TENM3: variants seen among roughly 807,000 people sequenced by gnomAD.
TENM3 encodes the protein teneurin-3.
In TENM3, 63 loss-of-function variants were observed where a neutral mutation model predicts 255.1. The ratio of observed to expected loss-of-function variants is 0.25; its 90% confidence interval spans 0.20 to 0.30. The LOEUF is 0.30. Ranked by LOEUF, TENM3 falls within the 10% of genes least tolerant of loss-of-function variation. The pLI is 1.00. For synonymous variants in TENM3, 1,306 were observed against 1,322.3 expected, an observed-to-expected ratio of 0.99 and a Z score of 0.27; for missense variants, 2,929 against 3,461.1, an observed-to-expected ratio of 0.85 and a Z score of 3.86.
chr4:181,998,220 T>A, the TENM3 span, among the ~76,000 whole-genome samples: 4 of 152,242 alleles, frequency 2.6e-5, no homozygotes, highest in African/African-American at 9.6e-5. Context: ...AGCTGATGAC[T>A]GCCTACTGAT....
At chr4:181,686,518 A>G in the TENM3 span, among the ~76,000 whole-genome samples, 1 of 152,108 alleles carries the variant, frequency 6.6e-6, no homozygotes, top group Non-Finnish European at 1.5e-5. Flanking sequence ...TTCAATAAAC[A>G]TTTATTGCGC....
At chr4:182,205,266 C>T (rs992896747) in intron 1 of TENM3, among the ~76,000 whole-genome samples, 1 of 152,222 alleles carries the variant, frequency 6.6e-6, no homozygotes, top group Non-Finnish European at 1.5e-5. Context: ...CTATTGCTCT[C>T]CTAACTAAAA....
At chr4:182,611,683 A>T (rs1459673034) in intron 4 of TENM3, among the ~76,000 whole-genome samples, 10 of 152,212 alleles carry the variant, frequency 6.6e-5, no homozygotes. Context: ...TCATATATTG[A>T]TGGGACTATT....
chr4:182,622,315 C>T (rs1203320339), intron 4 of TENM3, among the ~76,000 whole-genome samples: 1 of 152,132 alleles, frequency 6.6e-6, no homozygotes, highest in African/African-American at 2.4e-5. Context: ...CCACTTCACT[C>T]CAGCCTAGAT....
At chr4:181,818,039 C>A in the TENM3 span, among the ~76,000 whole-genome samples, 2 of 152,108 alleles carry the variant, frequency 1.3e-5, no homozygotes, top group African/African-American at 4.8e-5. Flanking sequence ...TAGTTCAAAT[C>A]ATTTTGTCCT....
chr4:182,311,915 C>G (rs2150421126), intron 1 of TENM3, among the ~76,000 whole-genome samples: 1 of 152,272 alleles, frequency 6.6e-6, no homozygotes, highest in Admixed American at 6.5e-5. Flanking sequence ...TTGAAGTCAT[C>G]TAGAAAACTT....
chr4:182,577,118 A>G (rs1745004808), intron 3 of TENM3, among the ~76,000 whole-genome samples: 4 of 152,176 alleles, frequency 2.6e-5, no homozygotes, highest in Admixed American at 6.5e-5. Context: ...TGGAATATGC[A>G]TTCTTCACAG....
At chr4:182,210,669 A>G (rs1445631937) in intron 1 of TENM3, among the ~76,000 whole-genome samples, 1 of 142,430 alleles carries the variant, frequency 7.0e-6, no homozygotes, top group African/African-American at 2.6e-5. Flanking sequence ...TCAAAACTCC[A>G]TGTTCATCAA....
chr4:181,984,759 T>C, the TENM3 span, among the ~76,000 whole-genome samples: 2 of 151,172 alleles, frequency 1.3e-5, no homozygotes, highest in Non-Finnish European at 2.9e-5. Flanking sequence ...CTCATCGGCT[T>C]TTTATGGCTT....
chr4:181,806,758 G>A, the TENM3 span, among the ~76,000 whole-genome samples: 166 of 152,312 alleles, frequency 1.1e-3, no homozygotes, highest in African/African-American at 3.8e-3. Context: ...CCAGTTTCAC[G>A]TGTTCTGTTA....
chr4:181,752,153 A>G, the TENM3 span, among the ~76,000 whole-genome samples: 1 of 152,218 alleles, frequency 6.6e-6, no homozygotes, highest in East Asian at 1.9e-4. Context: ...CTGTGGCCCA[A>G]CTACGGTTCT....
intron 1 of TENM3, among the ~76,000 whole-genome samples, chr4:182,230,511 T>G (rs1756488927): frequency 6.6e-6 from 1 of 152,016 alleles, no homozygotes; most frequent in Admixed American, 6.5e-5. Context: ...CTTTTCTAGG[T>G]GCTTGCAATA....
chr4:181,529,791 G>A, the TENM3 span, among the ~76,000 whole-genome samples: 1 of 152,290 alleles, frequency 6.6e-6, no homozygotes, highest in East Asian at 1.9e-4. Context: ...CAATAGGCAC[G>A]GTGCTATGTA....
the TENM3 span, among the ~76,000 whole-genome samples, chr4:181,617,521 G>A: frequency 6.6e-6 from 1 of 152,200 alleles, no homozygotes; most frequent in African/African-American, 2.4e-5. Context: ...CAAGGGCCAT[G>A]GTGGGAAAGT....
At chr4:182,736,741 A>C in intron 16 of TENM3, 67 bp from the exon 17 acceptor site, 5 of 1,393,922 alleles carry the variant, frequency 3.6e-6, no homozygotes, top group Middle Eastern at 1.8e-4. Flanking sequence ...TATGTGCTAC[A>C]TAAATATATT....
At chr4:182,358,093 C>CAGT (rs1378501018) in intron 3 of TENM3, among the ~76,000 whole-genome samples, 4 of 151,856 alleles carry the variant, frequency 2.6e-5, no homozygotes, top group African/African-American at 9.7e-5. Context: ...GTTTTGGTAC[C>CAGT]AGTACCATGC....
intron 6 of TENM3, among the ~76,000 whole-genome samples, chr4:182,669,934 T>G (rs994303587): frequency 1.3e-5 from 2 of 152,120 alleles, no homozygotes; most frequent in Non-Finnish European, 2.9e-5. Context: ...AGGTTCTCAG[T>G]GAAGATTAGT....
At chr4:182,664,180 G>A (rs891920110) in intron 6 of TENM3, among the ~76,000 whole-genome samples, 3 of 152,052 alleles carry the variant, frequency 2.0e-5, no homozygotes, top group South Asian at 2.1e-4. Flanking sequence ...CAAGTCTATC[G>A]GCACCATTTT....
chr4:181,452,372 TA>T, the TENM3 span, among the ~76,000 whole-genome samples: 3 of 152,168 alleles, frequency 2.0e-5, no homozygotes, highest in Non-Finnish European at 4.4e-5. Context: ...GTAGTTCCCA[TA>T]ATCCCCTCGT....
Sources: gnomAD v4.1 joint callset for allele counts (sites outside exome capture counted in the v4.1 genomes callset) on GRCh38, gnomAD v4.1.1 for gene constraint, MANE v1.5 for transcripts, NCBI Gene and HGNC (gene_info 2026-07-23, HGNC 2026-07-21) for gene names.